SEMA3E: variants seen among roughly 807,000 people sequenced by gnomAD.
SEMA3E encodes the protein semaphorin-3E.
SEMA3E carries 49 observed loss-of-function variants against 93.6 expected under a neutral mutation model. That is an observed-to-expected ratio of 0.52 (90% CI 0.42 to 0.66). The LOEUF is 0.66. SEMA3E is among the 30% of genes least tolerant of loss of function. The pLI is 0.00. For synonymous variants in SEMA3E, 363 were observed against 330.7 expected, an observed-to-expected ratio of 1.10 and a Z score of -1.06; for missense variants, 906 against 964.8, an observed-to-expected ratio of 0.94 and a Z score of 0.81.
chr7:83,515,305 AAAAAG>A lies in SEMA3E; in HGVS notation c.116-25036_116-25032del, dbSNP rs1478347002. Among the ~76,000 whole-genome samples, 6 of 152,226 alleles carry A rather than the reference AAAAAG, an allele frequency of 3.9e-5. No homozygotes were observed. In the East Asian group the frequency reaches 1.2e-3, roughly 30 times the overall value. ...TGACTTTTCTTATGAAAAAAAAAAA[AAAAAG>A]AAATGTCCTAGGTTCTGAGTAAGTG... On this transcript the variant is annotated intron_variant, in intron 1 of 16. Coordinates refer to ENST00000643230, the MANE Select transcript of SEMA3E (RefSeq NM_012431.3).
At chr7:83,554,388 T>C (rs942264436) in intron 1 of SEMA3E, among the ~76,000 whole-genome samples, 1 of 152,104 alleles carries the variant, frequency 6.6e-6, no homozygotes, top group African/African-American at 2.4e-5. Context: ...TGAAATGAGG[T>C]AGCACTCGTA....
At chr7:83,474,558 A>T (rs1789970253) in intron 2 of SEMA3E, among the ~76,000 whole-genome samples, 1 of 152,160 alleles carries the variant, frequency 6.6e-6, no homozygotes, top group Non-Finnish European at 1.5e-5. Flanking sequence ...GCAACACAAG[A>T]AAAGATAAAC....
chr7:83,586,038 T>A (rs1792619641), intron 1 of SEMA3E, among the ~76,000 whole-genome samples: 1 of 152,170 alleles, frequency 6.6e-6, no homozygotes, highest in African/African-American at 2.4e-5. Flanking sequence ...TATATGCACA[T>A]CCCAGAATGT....
rs745855667 is a variant in SEMA3E, at chr7:83,400,109, C to T, written c.1285G>A (p.Gly429Arg). Residue 429 changes from glycine to arginine, a missense_variant, in exon 11 of 17, where the codon GGA becomes AGA. Transcript: ENST00000643230. ...GCTATTTGTTTCAGGTTATATTTTCCATCTGTTTTTACCAATATTGGTTTT... is the reference window on the plus strand; with the variant it reads ...GCTATTTGTTTCAGGTTATATTTTCTATCTGTTTTTACCAATATTGGTTTT... ...HKKPILVKTD[G>R]KYNLKQIAVD... 6.2e-7 allele frequency: 1 copy of T among 1,613,886 alleles called. No individual in the cohort carries two copies. The highest frequency in any genetic ancestry group is 8.5e-7 in the Non-Finnish European group (1 of 1,179,960).
At chr7:83,470,445 C>A (rs567967666) in intron 2 of SEMA3E, among the ~76,000 whole-genome samples, 1 of 151,998 alleles carries the variant, frequency 6.6e-6, no homozygotes, top group East Asian at 1.9e-4. Flanking sequence ...GTGTTTTGAA[C>A]TTTATTTTAT....
intron 1 of SEMA3E, among the ~76,000 whole-genome samples, chr7:83,605,154 G>A (rs548617729): frequency 6.4e-4 from 97 of 152,240 alleles, no homozygotes; most frequent in Non-Finnish European, 1.0e-3. Context: ...CCCAGTAATG[G>A]GATTGATGGG....
intron 1 of SEMA3E, among the ~76,000 whole-genome samples, chr7:83,602,089 C>T (rs545017997): frequency 6.6e-6 from 1 of 152,212 alleles, no homozygotes; most frequent in Admixed American, 6.5e-5. Flanking sequence ...ACGAGTCACT[C>T]TAAGTAGTGG....
At chr7:83,626,105 T>G (rs999222917) in intron 1 of SEMA3E, among the ~76,000 whole-genome samples, 7 of 152,146 alleles carry the variant, frequency 4.6e-5, no homozygotes, top group Non-Finnish European at 8.8e-5. Flanking sequence ...GGATTTGGTT[T>G]GACGAATTTT....
At chr7:83,574,111 T>A (rs996329246) in intron 1 of SEMA3E, among the ~76,000 whole-genome samples, 3 of 152,060 alleles carry the variant, frequency 2.0e-5, no homozygotes, top group African/African-American at 7.2e-5. Flanking sequence ...AATTCTTCAC[T>A]AAATATGAAT....
intron 1 of SEMA3E, among the ~76,000 whole-genome samples, chr7:83,528,861 C>T (rs1791223880): frequency 6.6e-6 from 1 of 151,902 alleles, no homozygotes; most frequent in Non-Finnish European, 1.5e-5. Flanking sequence ...TGTTCTCTAC[C>T]TTCAGATAGT....
At chr7:83,411,558 A>C (rs1788439269) in intron 5 of SEMA3E, among the ~76,000 whole-genome samples, 1 of 152,098 alleles carries the variant, frequency 6.6e-6, no homozygotes, top group African/African-American at 2.4e-5. Flanking sequence ...ACAACACATT[A>C]GTGAAAAATA....
At chr7:83,407,361 A>C in intron 6 of SEMA3E, 122 bp from the exon 7 acceptor site, 1 of 910,650 alleles carries the variant, frequency 1.1e-6, no homozygotes, top group Non-Finnish European at 1.6e-6. Context: ...TTTCATAAAG[A>C]AATATTTTTC....
At chr7:83,486,705 C>T (rs956905530) in intron 2 of SEMA3E, among the ~76,000 whole-genome samples, 1 of 152,126 alleles carries the variant, frequency 6.6e-6, no homozygotes, top group Non-Finnish European at 1.5e-5. Context: ...GCAGGTGGGG[C>T]TGATGTTACA....
At chr7:83,617,634 A>ATAAATAATATAATTTAT (rs1793408430) in intron 1 of SEMA3E, among the ~76,000 whole-genome samples, 1 of 146,696 alleles carries the variant, frequency 6.8e-6, no homozygotes, top group Non-Finnish European at 1.5e-5. Flanking sequence ...TAAATTTTAT[A>ATAAATAATATAATTTAT]TAAATAATAT....
chr7:83,543,776 A>T (rs1791586577), intron 1 of SEMA3E, among the ~76,000 whole-genome samples: 1 of 152,058 alleles, frequency 6.6e-6, no homozygotes, highest in Non-Finnish European at 1.5e-5. Flanking sequence ...AAAATAATAC[A>T]ATGAACAATG....
intron 11 of SEMA3E, among the ~76,000 whole-genome samples, chr7:83,398,835 T>C (rs551624970): frequency 1.6e-4 from 25 of 152,114 alleles, no homozygotes; most frequent in Admixed American, 1.3e-3. Context: ...TCCCAGCTAC[T>C]CGGGAGGCTG....
chr7:83,487,300 G>A (rs1344259292), intron 2 of SEMA3E, among the ~76,000 whole-genome samples: 1 of 152,078 alleles, frequency 6.6e-6, no homozygotes, highest in African/African-American at 2.4e-5. Flanking sequence ...TCACCTATTT[G>A]TTATAAACGT....
intron 1 of SEMA3E, among the ~76,000 whole-genome samples, chr7:83,631,618 C>T (rs1793787284): frequency 6.6e-6 from 1 of 152,220 alleles, no homozygotes; most frequent in South Asian, 2.1e-4. Flanking sequence ...AGGAATGTCT[C>T]ACTCCAAAGT....
At chr7:83,431,382 A>T (rs1788880850) in intron 4 of SEMA3E, among the ~76,000 whole-genome samples, 1 of 152,016 alleles carries the variant, frequency 6.6e-6, no homozygotes, top group Non-Finnish European at 1.5e-5. Context: ...AATATATCTT[A>T]ATTTGAGTTG....
Sources: gnomAD v4.1 joint callset for allele counts (sites outside exome capture counted in the v4.1 genomes callset) on GRCh38, gnomAD v4.1.1 for gene constraint, MANE v1.5 for transcripts, NCBI Gene and HGNC (gene_info 2026-07-23, HGNC 2026-07-21) for gene names.